Variants in NEK4 observed in about 807,000 individuals in gnomAD.
The protein encoded by NEK4 is serine/threonine-protein kinase Nek4.
NEK4 carries 86 observed loss-of-function variants against 98.4 expected under a neutral mutation model. That is an observed-to-expected ratio of 0.87 (90% CI 0.73 to 1.05). The LOEUF is 1.05. Ranked by LOEUF, NEK4 falls within the 50% of genes least tolerant of loss-of-function variation. The pLI, the probability that NEK4 is intolerant of heterozygous loss-of-function variation, is 0.00. For synonymous variants in NEK4, 328 were observed against 342.2 expected, an observed-to-expected ratio of 0.96 and a Z score of 0.46; for missense variants, 898 against 950.3, an observed-to-expected ratio of 0.94 and a Z score of 0.72.
intron 5 of NEK4, among the ~76,000 whole-genome samples, chr3:52,763,013 T>G (rs1020291121): frequency 2.0e-5 from 3 of 152,218 alleles, no homozygotes; most frequent in African/African-American, 7.2e-5. Flanking sequence ...AACATTCTTA[T>G]TATCAAGAAT....
rs755822684 is a variant in NEK4, at chr3:52,751,456, A to AAT, written c.1368+475_1368+476insAT. ...GGGCGACAGAGTGGGACTCTGTCTC[A>AAT]AAAAAAAAAAAAAAATTAGCTGGGC... On this transcript the variant is annotated intron_variant, in intron 7 of 15. Coordinates refer to ENST00000233027, the MANE Select transcript of NEK4 (RefSeq NM_003157.6). 2.4e-3 allele frequency among the ~76,000 whole-genome samples: 57 copies of AAT among 24,130 alleles called. No homozygotes were observed. In the East Asian group the frequency reaches 0.031, roughly 13 times the overall value. 15.8% of individuals were successfully genotyped at this position (24,130 alleles called of 152,430 possible). A position where few individuals can be genotyped will look rare whatever the true frequency, so the allele number is the denominator to read the frequency against.
At chr3:52,770,574 C>T in intron 1 of NEK4, 80 bp downstream of exon 1, 6 of 1,119,488 alleles carry the variant, frequency 5.4e-6, no homozygotes, top group Admixed American at 4.0e-5. Flanking sequence ...TTGCGACCAC[C>T]CCCGACCTAA....
chr3:52,714,348 C>T (rs891914639), intron 15 of NEK4, among the ~76,000 whole-genome samples: 10 of 152,236 alleles, frequency 6.6e-5, no homozygotes, highest in Admixed American at 5.9e-4. Flanking sequence ...AGTCACGGGC[C>T]ATCCGGAGCA....
At chr3:52,753,086 G>A (rs192710451) in intron 6 of NEK4, among the ~76,000 whole-genome samples, 14,155 of 151,058 alleles carry the variant, frequency 0.094, 1,623 homozygotes, top group African/African-American at 0.28. Flanking sequence ...CCCAGCACTT[G>A]AGCTCAGGAG....
At chr3:52,742,487 G>T (rs994179816) in intron 12 of NEK4, among the ~76,000 whole-genome samples, 2 of 152,126 alleles carry the variant, frequency 1.3e-5, no homozygotes, top group African/African-American at 2.4e-5. Context: ...ATAACTAAAT[G>T]ATATAGTTAA....
chr3:52,737,388 G>C (rs1376277580), intron 15 of NEK4, 198 bp downstream of exon 15: 2 of 499,174 alleles, frequency 4.0e-6, no homozygotes, highest in Admixed American at 3.4e-5. Context: ...ACTGCTAACA[G>C]GTGCAGGGCT....
In NEK4 at chr3:52,770,809, A is replaced by G; in HGVS notation, c.-63T>C. The stretch of plus-strand genomic sequence containing the variant: ...GCGGCGGGTAGGGCAGCGGGCGGCA[A>G]CAAGAAGCTCGGTTCATGCCCGAGA... On this transcript the variant is annotated 5_prime_UTR_variant, in exon 1 of 16. Transcript: ENST00000233027. The G allele has an allele frequency of 7.0e-7, 1 of 1,421,900 alleles. No homozygotes were observed. The highest frequency in any genetic ancestry group is 9.6e-7 in the Non-Finnish European group (1 of 1,044,510). 88.1% of individuals were successfully genotyped at this position (1,421,900 alleles called of 1,614,324 possible).
chr3:52,727,536 T>C (rs2097365658), intron 15 of NEK4, among the ~76,000 whole-genome samples: 1 of 152,212 alleles, frequency 6.6e-6, no homozygotes, highest in African/African-American at 2.4e-5. Flanking sequence ...AGTGTGGTAG[T>C]GTGACCTCGG....
At chr3:52,739,361 T>C (rs2097381772) in intron 14 of NEK4, 68 bp downstream of exon 14, 3 of 1,334,492 alleles carry the variant, frequency 2.2e-6, no homozygotes, top group South Asian at 2.4e-5. Flanking sequence ...ATCACACTAC[T>C]GCACTCCAGC....
chr3:52,754,598 G>C (rs1380958853), intron 6 of NEK4: 30 of 1,075,800 alleles, frequency 2.8e-5, no homozygotes, highest in Non-Finnish European at 4.1e-5. Context: ...AAAGCCTGAA[G>C]AACAGCACAA....
chr3:52,713,380 CCT>C (rs1010773205), intron 15 of NEK4, among the ~76,000 whole-genome samples: 4 of 152,128 alleles, frequency 2.6e-5, no homozygotes, highest in African/African-American at 7.2e-5. Context: ...TGCCCTGAAT[CCT>C]CTCTCTCTCA....
chr3:52,751,409 T>C (rs1162172405), intron 7 of NEK4, among the ~76,000 whole-genome samples: 2 of 148,190 alleles, frequency 1.3e-5, no homozygotes, highest in African/African-American at 2.5e-5. Context: ...TGAGCCGAGA[T>C]CACGCCACTG....
At chr3:52,746,375 T>G (rs2097396125) in intron 9 of NEK4, among the ~76,000 whole-genome samples, 165 bp from the exon 10 acceptor site, 1 of 152,164 alleles carries the variant, frequency 6.6e-6, no homozygotes, top group Non-Finnish European at 1.5e-5. Context: ...CTAAGAAGGT[T>G]ATGGAGAGGA....
intron 15 of NEK4, among the ~76,000 whole-genome samples, chr3:52,725,460 A>T (rs2097363658): frequency 6.6e-6 from 1 of 152,136 alleles, no homozygotes; most frequent in Non-Finnish European, 1.5e-5. Context: ...GCTTGCAGTG[A>T]GCTGAGACTG....
intron 15 of NEK4, among the ~76,000 whole-genome samples, chr3:52,736,811 AT>A (rs1223564286): frequency 6.6e-6 from 1 of 152,224 alleles, no homozygotes; most frequent in Non-Finnish European, 1.5e-5. Context: ...ATGAAATTTC[AT>A]TTAAAAAAAA....
At position 52,746,166 on chromosome 3, in the gene NEK4, A is replaced by G. The variant is rs755061090; in HGVS notation, c.1722T>C (p.Val574=). The stretch of plus-strand genomic sequence containing the variant: ...GTGTTGATGTGACATCCACTTTCCC[A>G]ACAATGGGATGAGAAGGCAAAAATC... ...PPRFLPSHPI[V]GKVDVTSTQK... Residue 574 remains valine (V), a synonymous_variant, in exon 10 of 16, where the codon GTT becomes GTC. Coordinates refer to ENST00000233027, the MANE Select transcript of NEK4 (RefSeq NM_003157.6). 1 of 1,614,086 alleles carries G rather than the reference A, an allele frequency of 6.2e-7. No homozygotes were observed. The highest frequency in any genetic ancestry group is 1.7e-5 in the Admixed American group (1 of 60,010).
chr3:52,752,995 T>C (rs2097408336), intron 6 of NEK4, among the ~76,000 whole-genome samples: 1 of 148,342 alleles, frequency 6.7e-6, no homozygotes. Context: ...GAAGTTCTGA[T>C]ACATGCTAAA....
intron 2 of NEK4, 63 bp from the exon 3 acceptor site, chr3:52,766,438 T>G: frequency 4.1e-6 from 5 of 1,208,342 alleles, no homozygotes; most frequent in Non-Finnish European, 6.0e-6. Context: ...TATTCCTGGC[T>G]TATTATATAC....
At position 52,770,726 on chromosome 3, in the gene NEK4, G is replaced by T; in HGVS notation, c.21C>A (p.Cys7Ter). Residue 7 changes from cysteine to a stop codon, truncating the protein, a stop_gained, in exon 1 of 16, where the codon TGC becomes TGA. Coordinates refer to ENST00000233027, the MANE Select transcript of NEK4 (RefSeq NM_003157.6). LOFTEE classifies it high-confidence loss of function. ...TCCCCTTGCCCACGACCCGCAGGTA[G>T]CAGTAGGCGGCCAGGGGCATGTTCC... MPLAAY[C>*]YLRVVGKGSY... is the part of the protein sequence containing the mutation. The T allele has an allele frequency of 1.3e-6, 2 of 1,573,626 alleles. No homozygotes were observed. The highest frequency in any genetic ancestry group is 8.6e-7 in the Non-Finnish European group (1 of 1,160,570).
Sources: allele counts gnomAD v4.1 joint callset (sites outside exome capture counted in the v4.1 genomes callset), GRCh38; gene constraint gnomAD v4.1.1; transcripts MANE v1.5; gene names NCBI Gene and HGNC (gene_info 2026-07-23, HGNC 2026-07-21).